NREP: variants seen among roughly 807,000 people sequenced by gnomAD.
NREP encodes the protein neuronal regeneration related protein.
NREP carries 5 observed loss-of-function variants against 8.6 expected under a neutral mutation model. The ratio of observed to expected loss-of-function variants is 0.58; its 90% CI spans 0.30 to 1.22. The LOEUF (loss-of-function observed/expected upper bound fraction) is 1.22, where lower values mean the gene tolerates loss of function less well. NREP is among the 50% of genes most tolerant of loss of function. The probability of loss-of-function intolerance (pLI) is 0.07; values close to 1 mark genes in which losing one functional copy is unlikely to be tolerated. For missense variants in NREP, 86 were observed against 82.5 expected (o/e 1.04, Z -0.17); for synonymous variants, 27 against 28.0 (o/e 0.96, Z 0.11).
intron 2 of NREP, among the ~76,000 whole-genome samples, chr5:111,881,037 G>A (rs1447801194): frequency 1.3e-5 from 2 of 152,232 alleles, no homozygotes; most frequent in Non-Finnish European, 2.9e-5. Flanking sequence ...GCCTCACTCG[G>A]GAAGCGTAAG....
chr5:111,922,578 T>C (rs1167688040), intron 2 of NREP, among the ~76,000 whole-genome samples: 1 of 152,112 alleles, frequency 6.6e-6, no homozygotes, highest in African/African-American at 2.4e-5. Context: ...AAGCCATCTG[T>C]TGAGGGAGGT....
At chr5:111,760,733 T>G (rs1351520181), upstream of NREP, among the ~76,000 whole-genome samples, 1 of 152,172 alleles carries the variant, frequency 6.6e-6, no homozygotes, top group Non-Finnish European at 1.5e-5. Flanking sequence ...ATTTGACTGA[T>G]GACTGATGAC....
chr5:111,747,456 C>A (rs1230758144), intron 2 of NREP, among the ~76,000 whole-genome samples: 1 of 152,156 alleles, frequency 6.6e-6, no homozygotes, highest in African/African-American at 2.4e-5. Context: ...AAGGCTGTTA[C>A]CTGCTCCAGT....
intron 2 of NREP, among the ~76,000 whole-genome samples, chr5:111,776,340 C>A (rs767635183): frequency 5.9e-5 from 9 of 152,088 alleles, no homozygotes; most frequent in Non-Finnish European, 1.3e-4. Context: ...GATGGGAATA[C>A]TAATGTAATG....
At chr5:111,738,393 T>G (rs1036622468) in intron 2 of NREP, 2 of 152,208 alleles carry the variant, frequency 1.3e-5, no homozygotes, top group African/African-American at 4.8e-5. Flanking sequence ...GCAACAATCA[T>G]TTGCCTTTCT....
chr5:111,741,643 G>A (rs909611289), intron 2 of NREP, among the ~76,000 whole-genome samples: 1 of 152,098 alleles, frequency 6.6e-6, no homozygotes, highest in Non-Finnish European at 1.5e-5. Context: ...CACACAGTGG[G>A]GAAAACACGT....
intron 2 of NREP, among the ~76,000 whole-genome samples, chr5:111,820,039 A>G (rs1211237367): frequency 6.6e-6 from 1 of 152,216 alleles, no homozygotes; most frequent in Admixed American, 6.5e-5. Flanking sequence ...CCTCTCAACT[A>G]GATCTCCACC....
chr5:111,882,225 T>C (rs1357748089), intron 2 of NREP, among the ~76,000 whole-genome samples: 3 of 152,094 alleles, frequency 2.0e-5, no homozygotes, highest in Admixed American at 1.3e-4. Context: ...GAAGAAAGGG[T>C]ATCAGTGATG....
chr5:111,756,101 A>T, intron 1 of NREP: 5 of 1,136,108 alleles, frequency 4.4e-6, no homozygotes, highest in Non-Finnish European at 5.4e-6. Context: ...TGAGTTCAAA[A>T]GGTTTAGCAA....
At chr5:111,956,825 G>A (rs186010893) in intron 2 of NREP, among the ~76,000 whole-genome samples, 119 of 152,056 alleles carry the variant, frequency 7.8e-4, no homozygotes, top group Non-Finnish European at 1.3e-3. Flanking sequence ...TTAGCCAGGC[G>A]TGGTGGTGTA....
chr5:111,952,042 T>C (rs987075317), intron 2 of NREP, among the ~76,000 whole-genome samples: 1 of 152,150 alleles, frequency 6.6e-6, no homozygotes, highest in African/African-American at 2.4e-5. Flanking sequence ...AATCTCTGTC[T>C]GTATCATGTG....
intron 2 of NREP, among the ~76,000 whole-genome samples, chr5:111,751,956 G>T (rs1395171403): frequency 5.3e-5 from 8 of 152,184 alleles, no homozygotes; most frequent in African/African-American, 1.9e-4. Flanking sequence ...TCAGCCCAGT[G>T]CATCTGAATG....
intron 2 of NREP, among the ~76,000 whole-genome samples, chr5:111,743,917 T>C (rs903221986): frequency 6.6e-5 from 10 of 152,128 alleles, no homozygotes; most frequent in African/African-American, 2.2e-4. Context: ...ATGAAAATTT[T>C]CCCCCAACAA....
chr5:111,733,023 C>T (rs1748742442), intron 3 of NREP: 2 of 152,046 alleles, frequency 1.3e-5, no homozygotes, highest in South Asian at 4.2e-4. Context: ...CACAACAAAA[C>T]AAAAGGAAGA....
chr5:111,796,793 C>CTGCAGCATTTTCACTGTTCT, intron 2 of NREP, among the ~76,000 whole-genome samples: 1 of 152,164 alleles, frequency 6.6e-6, no homozygotes, highest in Non-Finnish European at 1.5e-5. Context: ...ACAAAAGGGT[C>CTGCAGCATTTTCACTGTTCT]TGCAGCATTT....
chr5:111,737,116 C>T (rs900462624), intron 2 of NREP, among the ~76,000 whole-genome samples: 1 of 152,212 alleles, frequency 6.6e-6, no homozygotes, highest in African/African-American at 2.4e-5. Context: ...TACTTTTCCA[C>T]ATATTCCTCT....
chr5:111,974,426 C>G (rs1396434378), intron 2 of NREP: 8 of 152,198 alleles, frequency 5.3e-5, no homozygotes, highest in African/African-American at 1.9e-4. Context: ...ATATCTGTAG[C>G]ATGGGACAAT....
intron 2 of NREP, among the ~76,000 whole-genome samples, chr5:111,873,378 G>A (rs1753832844): frequency 6.6e-6 from 1 of 152,092 alleles, no homozygotes; most frequent in Admixed American, 6.5e-5. Context: ...TCCAATGTGG[G>A]TCTCTTTGAG....
At chr5:111,857,132 G>A (rs1753443646) in intron 2 of NREP, among the ~76,000 whole-genome samples, 2 of 152,136 alleles carry the variant, frequency 1.3e-5, no homozygotes, top group Non-Finnish European at 2.9e-5. Context: ...ATTTACAAAT[G>A]GAAGCTAGCC....
Sources: gnomAD v4.1 joint callset for allele counts (sites outside exome capture counted in the v4.1 genomes callset) on GRCh38, gnomAD v4.1.1 for gene constraint, MANE v1.5 for transcripts, NCBI Gene and HGNC (gene_info 2026-07-23, HGNC 2026-07-21) for gene names.